DYNC1I1: variants seen among roughly 807,000 people sequenced by gnomAD.
DYNC1I1 encodes the protein cytoplasmic dynein 1 intermediate chain 1.
DYNC1I1 carries 43 observed loss-of-function variants against 86.6 expected under a neutral mutation model. That is an observed-to-expected ratio of 0.50 (90% confidence interval 0.39 to 0.64). The LOEUF (loss-of-function observed/expected upper bound fraction) is 0.64. Ranked by LOEUF, DYNC1I1 falls within the 30% of genes least tolerant of loss-of-function variation. The pLI, the probability that DYNC1I1 is intolerant of heterozygous loss-of-function variation, is 0.00. For missense variants in DYNC1I1, 604 were observed against 788.8 expected, an observed-to-expected ratio of 0.77 and a Z score of 2.81; for synonymous variants, 262 against 283.7, an observed-to-expected ratio of 0.92 and a Z score of 0.77.
chr7:95,846,758 A>G (rs1789444100), intron 5 of DYNC1I1, among the ~76,000 whole-genome samples: 1 of 151,904 alleles, frequency 6.6e-6, no homozygotes, highest in Admixed American at 6.6e-5. Context: ...CCAACTCTCT[A>G]AGAATCAGTC....
intron 1 of DYNC1I1, among the ~76,000 whole-genome samples, chr7:95,789,156 T>G (rs924643901): frequency 1.3e-5 from 2 of 152,208 alleles, no homozygotes; most frequent in African/African-American, 4.8e-5. Flanking sequence ...GAATGCTGCT[T>G]CATACCACTG....
intron 6 of DYNC1I1, among the ~76,000 whole-genome samples, chr7:95,955,613 A>G (rs1482923555): frequency 1.3e-5 from 2 of 152,212 alleles, no homozygotes; most frequent in African/African-American, 4.8e-5. Context: ...AACAAGAAAT[A>G]AACTTGCCCT....
At chr7:95,998,234 T>G (rs1793919591) in intron 10 of DYNC1I1, among the ~76,000 whole-genome samples, 1 of 152,254 alleles carries the variant, frequency 6.6e-6, no homozygotes. Context: ...GAGCCAATCC[T>G]GGAACTGAGG....
chr7:95,883,275 A>C (rs7457057), intron 6 of DYNC1I1, among the ~76,000 whole-genome samples: 1 of 152,272 alleles, frequency 6.6e-6, no homozygotes, highest in African/African-American at 2.4e-5. Flanking sequence ...TTGCATTTGT[A>C]TTATTATTAG....
Position 96,097,655 on chromosome 7 carries a change from T to C in DYNC1I1, c.*62T>C. 1.2e-6 allele frequency: 2 copies of C among 1,602,664 alleles called. No individual in the cohort carries two copies. Among genetic ancestry groups the C allele is most frequent in the Admixed American group, 1.7e-5 (1 of 58,338 alleles). On this transcript the variant is annotated 3_prime_UTR_variant, in exon 17 of 17. Transcript: ENST00000447467. ...GTGTCCTAGAGCTCAGCGTCTGCAG[T>C]CAAGTCTCTTGTATTCGGTGTCCAT...
chr7:96,047,243 T>G (rs1789245434), intron 14 of DYNC1I1, among the ~76,000 whole-genome samples: 1 of 152,088 alleles, frequency 6.6e-6, no homozygotes, highest in Non-Finnish European at 1.5e-5. Flanking sequence ...ACTATCACAG[T>G]AGGGATCAAG....
At chr7:95,821,824 A>C (rs577758925) in intron 4 of DYNC1I1, among the ~76,000 whole-genome samples, 1 of 152,294 alleles carries the variant, frequency 6.6e-6, no homozygotes, top group East Asian at 1.9e-4. Context: ...GAACTTTACT[A>C]ATTTAAATGC....
At chr7:95,921,717 T>C (rs557097524) in intron 6 of DYNC1I1, among the ~76,000 whole-genome samples, 4 of 152,328 alleles carry the variant, frequency 2.6e-5, no homozygotes, top group African/African-American at 9.6e-5. Context: ...CTCATGAGAC[T>C]ATCACACAAC....
At chr7:95,921,827 G>C (rs1402467741) in intron 6 of DYNC1I1, among the ~76,000 whole-genome samples, 2 of 152,134 alleles carry the variant, frequency 1.3e-5, no homozygotes, top group Non-Finnish European at 2.9e-5. Context: ...GTAAATACTT[G>C]CTGTCTTATT....
At chr7:95,906,056 T>G (rs998242534) in intron 6 of DYNC1I1, among the ~76,000 whole-genome samples, 6 of 152,196 alleles carry the variant, frequency 3.9e-5, no homozygotes, top group Non-Finnish European at 8.8e-5. Flanking sequence ...TGAACTATAT[T>G]TTTTCTGGGA....
chr7:96,070,369 A>T (rs540718792), intron 14 of DYNC1I1, among the ~76,000 whole-genome samples: 1 of 152,102 alleles, frequency 6.6e-6, no homozygotes, highest in South Asian at 2.1e-4. Flanking sequence ...GGTTTTTTAA[A>T]AGCGATATTG....
intron 14 of DYNC1I1, among the ~76,000 whole-genome samples, chr7:96,069,592 G>T (rs1460047214): frequency 2.0e-5 from 3 of 152,116 alleles, no homozygotes; most frequent in African/African-American, 7.2e-5. Flanking sequence ...GAGAACCTTG[G>T]GTGGAGCTGA....
At chr7:95,937,522 C>G (rs1792080439) in intron 6 of DYNC1I1, among the ~76,000 whole-genome samples, 1 of 148,540 alleles carries the variant, frequency 6.7e-6, no homozygotes, top group African/African-American at 2.5e-5. Context: ...AAAAAAGCAC[C>G]TATGAAAGAC....
At position 95,772,568 on chromosome 7, in the gene DYNC1I1, G is replaced by C. The variant is rs1329073971; in HGVS notation, c.-215G>C. On this transcript the variant is annotated 5_prime_UTR_variant, in exon 1 of 17. Coordinates refer to ENST00000447467, the MANE Select transcript of DYNC1I1 (RefSeq NM_001135556.2). ...GCGAGCCCCGCAGACTGAGTGCTCCGGGGAGCTGTCAGTGTCAGGCTCTGG... is the reference window on the plus strand; with the variant it reads ...GCGAGCCCCGCAGACTGAGTGCTCCCGGGAGCTGTCAGTGTCAGGCTCTGG... 1 of 152,226 alleles carries C rather than the reference G, an allele frequency of 6.6e-6. No individual in the cohort carries two copies. The highest frequency in any genetic ancestry group is 2.4e-5 in the African/African-American group (1 of 41,440). The allele number at this position is 152,226 out of a possible 1,614,324, so 9.4% of individuals were successfully genotyped here.
chr7:95,807,599 A>G (rs930434497), intron 2 of DYNC1I1, among the ~76,000 whole-genome samples: 2 of 151,980 alleles, frequency 1.3e-5, no homozygotes, highest in African/African-American at 4.8e-5. Flanking sequence ...CTTGTCAGAG[A>G]GCTTAAGATG....
rs190656277 is a variant in DYNC1I1 at position 95,789,667 on chromosome 7, G to T, written c.-9-15054G>T. Among the ~76,000 whole-genome samples the T allele has an allele frequency of 1.6e-4, 25 of 152,152 alleles. No individual in the cohort carries two copies. In the East Asian group the frequency reaches 3.9e-3, roughly 24 times the overall value. On this transcript the variant is annotated intron_variant, in intron 1 of 16. Transcript: ENST00000447467. The stretch of plus-strand genomic sequence containing the variant: ...AATCAGAGCCTGGTAAGTCTCCTGT[G>T]GTAGTGAACACCTTTCTCTGTTCAC...
intron 16 of DYNC1I1, among the ~76,000 whole-genome samples, chr7:96,082,050 A>G (rs1002505117): frequency 6.6e-6 from 1 of 152,214 alleles, no homozygotes; most frequent in Non-Finnish European, 1.5e-5. Flanking sequence ...GTGAAGATGC[A>G]AATGGTCTGG....
At chr7:95,942,196 A>C (rs1218273494) in intron 6 of DYNC1I1, among the ~76,000 whole-genome samples, 1 of 152,200 alleles carries the variant, frequency 6.6e-6, no homozygotes, top group Non-Finnish European at 1.5e-5. Flanking sequence ...GAATATCACC[A>C]CCGATCCCAC....
chr7:95,987,385 A>C (rs1793622845), intron 9 of DYNC1I1, among the ~76,000 whole-genome samples: 1 of 152,168 alleles, frequency 6.6e-6, no homozygotes, highest in African/African-American at 2.4e-5. Flanking sequence ...TCTGTCCATG[A>C]AACTATTCCA....
Sources: gnomAD v4.1 joint callset for allele counts (sites outside exome capture counted in the v4.1 genomes callset) on GRCh38, gnomAD v4.1.1 for gene constraint, MANE v1.5 for transcripts, NCBI Gene and HGNC (gene_info 2026-07-23, HGNC 2026-07-21) for gene names.